The following COL28A1 variants were observed in gnomAD, a reference collection of about 807,000 sequenced individuals.
COL28A1 encodes the protein collagen alpha-1(XXVIII) chain.
In COL28A1, 161 loss-of-function variants were observed where a neutral mutation model predicts 150.2. The ratio of observed to expected loss-of-function variants is 1.07; its 90% CI spans 0.94 to 1.22. The LOEUF is 1.22. Ranked by LOEUF, COL28A1 falls within the 50% of genes most tolerant of loss-of-function variation. The pLI is 0.00. For synonymous variants in COL28A1, 552 were observed against 469.7 expected, an observed-to-expected ratio of 1.18 and a Z score of -2.26; for missense variants, 1,617 against 1,388.3, an observed-to-expected ratio of 1.16 and a Z score of -2.62.
At chr7:7,446,974 A>G (rs1408286575) in intron 18 of COL28A1, among the ~76,000 whole-genome samples, 1 of 152,202 alleles carries the variant, frequency 6.6e-6, no homozygotes, top group Non-Finnish European at 1.5e-5. Flanking sequence ...CAAGGCCAGG[A>G]AAACAACCAA....
intron 20 of COL28A1, 79 bp from the exon 21 acceptor site, chr7:7,440,940 G>A (rs1785729644): frequency 1.4e-6 from 1 of 734,104 alleles, no homozygotes; most frequent in South Asian, 1.6e-5. Context: ...CCATAGCGGA[G>A]CCGGATTCTC....
chr7:7,400,241 T>A (rs149312956), intron 27 of COL28A1, among the ~76,000 whole-genome samples: 115 of 152,242 alleles, frequency 7.6e-4, no homozygotes, highest in African/African-American at 1.9e-3. Context: ...GATTGTGGCA[T>A]GGGTGATTAT....
chr7:7,421,004 A>C (rs1270519330), intron 25 of COL28A1, among the ~76,000 whole-genome samples: 41 of 152,222 alleles, frequency 2.7e-4, no homozygotes, highest in Non-Finnish European at 4.4e-5. Context: ...ACCCAAAGAA[A>C]ATAAAAATGT....
At chr7:7,534,399 C>T (rs1782534952) in intron 1 of COL28A1, among the ~76,000 whole-genome samples, 2 of 152,122 alleles carry the variant, frequency 1.3e-5, no homozygotes, top group Non-Finnish European at 2.9e-5. Context: ...AAATGATGTA[C>T]AACTTTAAGT....
At chr7:7,352,342 T>C (rs984911603), downstream of COL28A1, among the ~76,000 whole-genome samples, 5 of 152,308 alleles carry the variant, frequency 3.3e-5, no homozygotes, top group East Asian at 1.9e-4. Flanking sequence ...GATTGAATAA[T>C]GGCCCCAGAG....
chr7:7,349,914 C>G, the COL28A1 span, among the ~76,000 whole-genome samples: 5 of 151,908 alleles, frequency 3.3e-5, no homozygotes, highest in African/African-American at 1.2e-4. Flanking sequence ...ATAGTGCTCT[C>G]AAAAAGAAGC....
At chr7:7,413,284 T>C (rs1783887417) in intron 27 of COL28A1, among the ~76,000 whole-genome samples, 1 of 152,126 alleles carries the variant, frequency 6.6e-6, no homozygotes, top group Non-Finnish European at 1.5e-5. Context: ...AGCCAGGAAG[T>C]TGCCATGTAG....
At chr7:7,445,398 G>T (rs2128324141) in intron 18 of COL28A1, among the ~76,000 whole-genome samples, 1 of 152,198 alleles carries the variant, frequency 6.6e-6, no homozygotes, top group East Asian at 1.9e-4. Context: ...CTCCCTTACA[G>T]GTTTTGGAAG....
intron 25 of COL28A1, chr7:7,431,509 A>T (rs1384470805): frequency 2.1e-6 from 1 of 471,058 alleles, no homozygotes; most frequent in Non-Finnish European, 4.4e-6. Flanking sequence ...ATAATCAGCC[A>T]TCCTGGCGAG....
At chr7:7,444,628 T>A in intron 18 of COL28A1, 139 bp from the exon 19 acceptor site, 1 of 788,644 alleles carries the variant, frequency 1.3e-6, no homozygotes, top group Non-Finnish European at 2.0e-6. Flanking sequence ...TATTTGATCT[T>A]GGGAAGCTAC....
intron 7 of COL28A1, among the ~76,000 whole-genome samples, chr7:7,516,611 C>T (rs1250943483): frequency 6.6e-6 from 1 of 152,078 alleles, no homozygotes; most frequent in East Asian, 1.9e-4. Flanking sequence ...TTTCATACAG[C>T]TATATTTTTC....
chr7:7,439,461 A>C (rs1290494571), intron 21 of COL28A1, among the ~76,000 whole-genome samples: 1 of 152,216 alleles, frequency 6.6e-6, no homozygotes, highest in Non-Finnish European at 1.5e-5. Context: ...CTCTAGATTT[A>C]ATTTTACTTC....
Position 7,405,717 on chromosome 7 carries a change from C to T in COL28A1, c.2136+12142G>A, listed in dbSNP as rs78981433. 2.0e-3 allele frequency among the ~76,000 whole-genome samples: 301 copies of T among 152,252 alleles called. 8 individuals carry two copies. In the East Asian group the frequency reaches 0.052, roughly 26 times the overall value. ...ACAAGCTTCCTTGTAGAAACCACAA[C>T]TAGAAAGCATCAAGTGTCTCATTTA... On this transcript the variant is annotated intron_variant, in intron 27 of 34. Coordinates refer to ENST00000399429, the MANE Select transcript of COL28A1 (RefSeq NM_001037763.3).
At chr7:7,378,444 G>C (rs1347953838) in intron 30 of COL28A1, among the ~76,000 whole-genome samples, 1 of 152,106 alleles carries the variant, frequency 6.6e-6, no homozygotes, top group Non-Finnish European at 1.5e-5. Flanking sequence ...TGCTAACACC[G>C]AAGTGACATG....
intron 25 of COL28A1, among the ~76,000 whole-genome samples, chr7:7,426,220 G>A (rs532870850): frequency 5.6e-4 from 85 of 152,278 alleles, no homozygotes; most frequent in Non-Finnish European, 9.3e-4. Flanking sequence ...TTAAAATAAG[G>A]TAGAAGTCAA....
chr7:7,526,070 T>C (rs1262250298), intron 3 of COL28A1, among the ~76,000 whole-genome samples: 1 of 152,252 alleles, frequency 6.6e-6, no homozygotes, highest in African/African-American at 2.4e-5. Context: ...GATACACTGA[T>C]AGTTTTAGTT....
At chr7:7,416,415 C>A (rs1332220026) in intron 27 of COL28A1, among the ~76,000 whole-genome samples, 1 of 152,184 alleles carries the variant, frequency 6.6e-6, no homozygotes, top group Non-Finnish European at 1.5e-5. Flanking sequence ...AGAAAACCGG[C>A]CCCAGGCCTA....
At chr7:7,508,435 G>A (rs965016157) in intron 9 of COL28A1, among the ~76,000 whole-genome samples, 2 of 152,132 alleles carry the variant, frequency 1.3e-5, no homozygotes, top group Admixed American at 1.3e-4. Context: ...GATGATGGAA[G>A]CAGAGACCAT....
intron 13 of COL28A1, among the ~76,000 whole-genome samples, chr7:7,486,088 C>G (rs757272856): frequency 6.6e-6 from 1 of 152,122 alleles, no homozygotes; most frequent in Admixed American, 6.5e-5. Flanking sequence ...AATCTGTAAA[C>G]ATGCCTCTAA....
Sources: gnomAD v4.1 joint callset for allele counts (sites outside exome capture counted in the v4.1 genomes callset) on GRCh38, gnomAD v4.1.1 for gene constraint, MANE v1.5 for transcripts, NCBI Gene and HGNC (gene_info 2026-07-23, HGNC 2026-07-21) for gene names.